Variants in MUC5AC observed in about 807,000 individuals in gnomAD.
MUC5AC encodes mucin 5AC, oligomeric mucus/gel-forming.
MUC5AC carries 158 observed loss-of-function variants against 169.7 expected under a neutral mutation model. The observed-to-expected ratio is 0.93, with a 90% confidence interval of 0.82 to 1.06. The LOEUF (loss-of-function observed/expected upper bound fraction) is 1.06, where lower values mean the gene tolerates loss of function less well. Among genes scored for constraint, MUC5AC ranks in the 50% least tolerant of loss-of-function variants. The pLI, the probability that MUC5AC is intolerant of heterozygous loss-of-function variation, is 0.00. For missense variants in MUC5AC, 4,359 were observed against 3,089.9 expected (o/e 1.41, Z -9.74); for synonymous variants, 1,975 against 1,237.0 (o/e 1.60, Z -12.52).
At position 1,199,410 on chromosome 11, in the gene MUC5AC, AC is replaced by A; in HGVS notation, c.16438del (p.His5480ThrfsTer31). ...TWSDAGNHCVTHQCEKHQDGL... is the reference protein window; with the variant it reads ...TWSDAGNHCVXHQCEKHQDGL... Reference sequence around the variant, plus strand: ...GTCAGACGCAGGGAACCACTGTGTGACCCACCAGTGTGAGAAGCACCAGGAT... The same window carrying A: ...GTCAGACGCAGGGAACCACTGTGTGACCACCAGTGTGAGAAGCACCAGGAT... On this transcript the variant is annotated frameshift_variant, in exon 46 of 49. Transcript: ENST00000621226. LOFTEE classifies it high-confidence loss of function. 1.4e-6 allele frequency: 1 copy of A among 729,548 alleles called. No individual in the cohort carries two copies. The highest frequency in any genetic ancestry group is 1.4e-5 in the South Asian group (1 of 69,482). 45.2% of individuals were successfully genotyped at this position (729,548 alleles called of 1,614,324 possible). A position where few individuals can be genotyped will look rare whatever the true frequency, so the allele number is the denominator to read the frequency against.
chr11:1,197,554 G>GCTGCCCCCTGCCTGCCCC lies in MUC5AC; in HGVS notation c.15955_15972dup (p.Pro5319_Pro5324dup). On this transcript the variant is annotated inframe_insertion, in exon 41 of 49. Transcript: ENST00000621226. ...TGACCTGCCGACCCAAGCTCTGCCC[G>GCTGCCCCCTGCCTGCCCC]CTGCCCCCTGCCTGCCCCCTGCCCG... 1 of 715,934 alleles carries GCTGCCCCCTGCCTGCCCC rather than the reference G, an allele frequency of 1.4e-6. No individual in the cohort carries two copies. Among genetic ancestry groups the GCTGCCCCCTGCCTGCCCC allele is most frequent in the Non-Finnish European group, 2.5e-6 (1 of 393,774 alleles). The allele number at this position is 715,934 out of a possible 1,614,324, so 44.3% of individuals were successfully genotyped here.
rs372607399 is a variant in MUC5AC, at chr11:1,197,612, G to A, written c.16006G>A (p.Gly5336Ser). The A allele has an allele frequency of 1.8e-4, 130 of 725,842 alleles. No individual in the cohort carries two copies. Among genetic ancestry groups the A allele is most frequent in the Admixed American group, 1.1e-3 (61 of 54,290 alleles). 45.0% of individuals were successfully genotyped at this position (725,842 alleles called of 1,614,324 possible). ...GCCTGTGCCTGCAGCCCCACAGGCC[G>A]GCCAGTGCTGCCCCCAGTACAGCTG... is the stretch of plus-strand genomic sequence containing the variant. The part of the protein sequence containing the change: ...FVPVPAAPQA[G>S]QCCPQYSCAC... The change falls in exon 41 of 49, where the codon GGC (glycine) becomes AGC (serine). Residue 5336 changes from glycine to serine, a missense_variant. By Grantham distance (56) the Gly-to-Ser change is moderately conservative. Transcript: ENST00000621226.
Position 1,168,734 on chromosome 11 carries a change from C to T in MUC5AC, c.1660C>T (p.Gln554Ter). 1 of 1,609,440 alleles carries T rather than the reference C, an allele frequency of 6.2e-7. No homozygotes were observed. The highest frequency in any genetic ancestry group is 8.5e-7 in the Non-Finnish European group (1 of 1,177,200). Residue 554 changes from glutamine to a stop codon, truncating the protein, a stop_gained, in exon 14 of 49, where the codon CAG becomes TAG. Coordinates refer to ENST00000621226, the MANE Select transcript of MUC5AC (RefSeq NM_001304359.2). LOFTEE classifies it high-confidence loss of function. ...GAACCTGCAGCTGGTGCCCACCATG[C>T]AGCTGTTCATGCAGCTGGCGCCCAA... Reference protein sequence around the residue: ...QLNLQLVPTMQLFMQLAPKLR... With the variant: ...QLNLQLVPTM
rs76590917 is a variant in MUC5AC, at chr11:1,165,506, C to T, written c.1247+87C>T. On this transcript the variant is annotated intron_variant, in intron 10 of 48. Transcript: ENST00000621226. Reference sequence around the variant, plus strand: ...TGCAACCCAGGCCGGCAGGCTCCCTCGTCTGGGCTACGGTGTAGGCAGGCC... The same window carrying T: ...TGCAACCCAGGCCGGCAGGCTCCCTTGTCTGGGCTACGGTGTAGGCAGGCC... 231 of 1,576,798 alleles carry T rather than the reference C, an allele frequency of 1.5e-4. 1 individual carries two copies. The South Asian group carries it at 1.9e-3, about 13-fold the overall frequency.
chr11:1,168,114 T>C (rs965953133), intron 12 of MUC5AC, 127 bp downstream of exon 12: 2 of 803,784 alleles, frequency 2.5e-6, no homozygotes, highest in African/African-American at 3.4e-5. Flanking sequence ...CTGGCAACAC[T>C]GGCTGTGTCC....
intron 15 of MUC5AC, among the ~76,000 whole-genome samples, chr11:1,170,717 T>C (rs1447648329): frequency 0.11 from 9,322 of 82,478 alleles, 1,014 homozygotes; most frequent in Non-Finnish European, 0.13. Context: ...ACCCACTCAC[T>C]GACTCAACCA....
At position 1,186,211 on chromosome 11, in the gene MUC5AC, C is replaced by A. The variant is rs1453414786; in HGVS notation, c.8066C>A (p.Thr2689Lys). The change falls in exon 31 of 49, where the codon ACA (threonine) becomes AAA (lysine). Residue 2689 changes from threonine to lysine, a missense_variant. Physicochemically the swap from Thr to Lys is moderately conservative, Grantham distance 78 (BLOSUM62 -1). Transcript: ENST00000621226. ...ACAACCAGCACAACCTCTGCTTCTA[C>A]AACCAGCACAACCTCTGGTCCTGGA... Reference protein sequence around the residue: ...ASTTSTTSASTTSTTSGPGTT... With the variant: ...ASTTSTTSASKTSTTSGPGTT... 5 of 751,110 alleles carry A rather than the reference C, an allele frequency of 6.7e-6. No individual in the cohort carries two copies. The highest frequency in any genetic ancestry group is 2.4e-5 in the East Asian group (1 of 40,890). The allele number at this position is 751,110 out of a possible 1,614,324, so 46.5% of individuals were successfully genotyped here.
In MUC5AC at chr11:1,186,011, T is replaced by C; in HGVS notation, c.7866T>C (p.Ser2622=). The C allele has an allele frequency of 1.4e-6, 1 of 728,204 alleles. No individual in the cohort carries two copies. Among genetic ancestry groups the C allele is most frequent in the Non-Finnish European group, 2.5e-6 (1 of 399,086 alleles). The allele number at this position is 728,204 out of a possible 1,614,324, so 45.1% of individuals were successfully genotyped here. The change falls in exon 31 of 49, where the codon TCT becomes TCC. Residue 2622 remains serine, a synonymous_variant. Coordinates refer to ENST00000621226, the MANE Select transcript of MUC5AC (RefSeq NM_001304359.2). The part of the protein sequence containing the change: ...TNSAPISSTT[S]ATTTSRISGP... ...CTGCCCCTATAAGCAGCACAACCTCTGCCACTACAACCAGCAGAATCTCTG... is the reference window on the plus strand; with the variant it reads ...CTGCCCCTATAAGCAGCACAACCTCCGCCACTACAACCAGCAGAATCTCTG...
chr11:1,200,548 T>C lies in MUC5AC; in HGVS notation c.16811T>C (p.Phe5604Ser), dbSNP rs778020854. The C allele has an allele frequency of 6.5e-6, 5 of 764,258 alleles. No individual in the cohort carries two copies. The African/African-American group carries it at 6.8e-5, about 10-fold the overall frequency. The allele number at this position is 764,258 out of a possible 1,614,324, so 47.3% of individuals were successfully genotyped here. Residue 5604 changes from phenylalanine (F) to serine (S), a missense_variant, in exon 49 of 49, where the codon TTC becomes TCC. Physicochemically the swap from Phe to Ser is radical, Grantham distance 155. Coordinates refer to ENST00000621226, the MANE Select transcript of MUC5AC (RefSeq NM_001304359.2). ...LHCTDGSSRA[F>S]SYTEVEECGC... ...TGCACCGACGGCTCCAGCCGGGCCT[T>C]CAGCTACACCGAGGTGGAAGAGTGC... is the stretch of plus-strand genomic sequence containing the variant.
chr11:1,171,500 T>C (rs1398095410), intron 15 of MUC5AC, among the ~76,000 whole-genome samples: 1,208 of 40,358 alleles, frequency 0.03, no homozygotes, highest in Non-Finnish European at 0.034. Context: ...CACTCACCCA[T>C]TCACCCATTC....
At chr11:1,196,496 C>A (rs1294014236) in intron 38 of MUC5AC, 21 bp downstream of exon 38, 1 of 764,766 alleles carries the variant, frequency 1.3e-6, no homozygotes, top group African/African-American at 1.7e-5. Context: ...TCCCTCCTGG[C>A]CCTGCCATGG....
Position 1,186,196 on chromosome 11 carries a change from C to G in MUC5AC, c.8051C>G (p.Thr2684Arg), listed in dbSNP as rs1287511818. 12 of 751,288 alleles carry G rather than the reference C, an allele frequency of 1.6e-5. No homozygotes were observed. The highest frequency in any genetic ancestry group is 2.7e-5 in the Non-Finnish European group (11 of 410,374). The allele number at this position is 751,288 out of a possible 1,614,324, so 46.5% of individuals were successfully genotyped here. Reference protein sequence around the residue: ...TSTTSASTTSTTSASTTSTTS... With the variant: ...TSTTSASTTSRTSASTTSTTS... ...ACAACTTCTGCTTCTACAACCAGCA[C>G]AACCTCTGCTTCTACAACCAGCACA... Residue 2684 changes from threonine to arginine, a missense_variant, in exon 31 of 49, where the codon ACA becomes AGA. Coordinates refer to ENST00000621226, the MANE Select transcript of MUC5AC (RefSeq NM_001304359.2).
At chr11:1,165,116 G>A (rs1240658439) in intron 9 of MUC5AC, among the ~76,000 whole-genome samples, 186 bp from the exon 10 acceptor site, 2 of 142,110 alleles carry the variant, frequency 1.4e-5, no homozygotes, top group African/African-American at 5.3e-5. Flanking sequence ...TGAGGCCCCT[G>A]TCCCGGGCCC....
Position 1,196,610 on chromosome 11 carries a change from T to C in MUC5AC, c.15726-7T>C, listed in dbSNP as rs767670919. 1 of 761,454 alleles carries C rather than the reference T, an allele frequency of 1.3e-6. No homozygotes were observed. The highest frequency in any genetic ancestry group is 2.4e-5 in the East Asian group (1 of 41,010). 47.2% of individuals were successfully genotyped at this position (761,454 alleles called of 1,614,324 possible). On this transcript the variant is annotated splice_region_variant and splice_polypyrimidine_tract_variant and intron_variant, in intron 38 of 48. Coordinates refer to ENST00000621226, the MANE Select transcript of MUC5AC (RefSeq NM_001304359.2). ...AAGGAGACCCACCAACCCTATGCTCTCTACAGGGCTCTGCCGGAGGCCGGC... is the reference window on the plus strand; with the variant it reads ...AAGGAGACCCACCAACCCTATGCTCCCTACAGGGCTCTGCCGGAGGCCGGC...
At chr11:1,168,818 C>A in intron 14 of MUC5AC, 39 bp downstream of exon 14, 2 of 1,578,600 alleles carry the variant, frequency 1.3e-6, no homozygotes, top group Non-Finnish European at 1.7e-6. Flanking sequence ...CCCACCCACT[C>A]TGGCCAGGGC....
At chr11:1,159,770 G>A (rs1466901261) in intron 1 of MUC5AC, among the ~76,000 whole-genome samples, 1 of 118,596 alleles carries the variant, frequency 8.4e-6, no homozygotes. Flanking sequence ...AGGGCTGTGC[G>A]GGGCTGGGGT....
At position 1,195,969 on chromosome 11, in the gene MUC5AC, G is replaced by C. The variant is rs530481490; in HGVS notation, c.15552G>C (p.Val5184=). 1.3e-6 allele frequency: 1 copy of C among 765,024 alleles called. No homozygotes were observed. The highest frequency in any genetic ancestry group is 2.4e-5 in the East Asian group (1 of 41,252). The allele number at this position is 765,024 out of a possible 1,614,324, so 47.4% of individuals were successfully genotyped here. The part of the protein sequence containing the change: ...DRCHMTDLDV[V]CSSLELYAAL... The stretch of plus-strand genomic sequence containing the variant: ...GCCACATGACGGACCTGGATGTGGT[G>C]TGCTCCAGCCTGGAGCTGTACGCGG... The change falls in exon 37 of 49, where the codon GTG becomes GTC. Residue 5184 remains valine (V), a synonymous_variant. Coordinates refer to ENST00000621226, the MANE Select transcript of MUC5AC (RefSeq NM_001304359.2).
In MUC5AC at chr11:1,186,801, C is replaced by G. The variant is rs1265226381; in HGVS notation, c.8656C>G (p.Pro2886Ala). The G allele has an allele frequency of 4.1e-6, 3 of 738,036 alleles. No homozygotes were observed. The highest frequency in any genetic ancestry group is 7.4e-6 in the Non-Finnish European group (3 of 405,530). The allele number at this position is 738,036 out of a possible 1,614,324, so 45.7% of individuals were successfully genotyped here. A position where few individuals can be genotyped will look rare whatever the true frequency, so the allele number is the denominator to read the frequency against. The change falls in exon 31 of 49, where the codon CCT becomes GCT. Residue 2886 changes from proline to alanine, a missense_variant. Physicochemically the swap from Pro to Ala is conservative, Grantham distance 27. Coordinates refer to ENST00000621226, the MANE Select transcript of MUC5AC (RefSeq NM_001304359.2). ...TTSGPGTTPS[P>A]VPTTSTTSAP... ...CTCTGGCCCTGGAACTACTCCCAGC[C>G]CTGTTCCCACCACCAGTACAACCTC...
At chr11:1,171,753 CCACTCAA>C (rs1419808814) in intron 15 of MUC5AC, among the ~76,000 whole-genome samples, 3 of 132,016 alleles carry the variant, frequency 2.3e-5, no homozygotes, top group Non-Finnish European at 4.9e-5. Context: ...ACCCACTCAC[CCACTCAA>C]CACTCACTCA....
Sources: allele counts gnomAD v4.1 joint callset (sites outside exome capture counted in the v4.1 genomes callset), GRCh38; gene constraint gnomAD v4.1.1; transcripts MANE v1.5; gene names NCBI Gene and HGNC (gene_info 2026-07-23, HGNC 2026-07-21).